PODNL1: variants seen among roughly 807,000 people sequenced by gnomAD.
The protein encoded by PODNL1 is podocan like 1.
A neutral mutation model predicts 45.1 loss-of-function variants in PODNL1; 50 were observed. That is an observed-to-expected ratio of 1.11 (90% confidence interval 0.88 to 1.40). PODNL1 has a LOEUF of 1.40. Among genes scored for constraint, PODNL1 ranks in the 40% most tolerant of loss-of-function variants. PODNL1 has a pLI of 0.00. For missense variants in PODNL1, 788 were observed against 793.3 expected (o/e 0.99, Z 0.08); for synonymous variants, 406 against 372.5 (o/e 1.09, Z -1.04).
At chr19:13,946,188 T>C (rs1449681898) in intron 1 of PODNL1, among the ~76,000 whole-genome samples, 1 of 152,068 alleles carries the variant, frequency 6.6e-6, no homozygotes, top group Non-Finnish European at 1.5e-5. Context: ...TCCTAGCACT[T>C]TGGGAGGCCG....
chr19:13,952,299 G>T (rs1973078327), intron 1 of PODNL1, among the ~76,000 whole-genome samples: 2 of 152,256 alleles, frequency 1.3e-5, no homozygotes, highest in South Asian at 4.1e-4. Context: ...CGAGTGGTAC[G>T]TCCTTAAGGC....
chr19:13,942,282 A>C (rs530957277), upstream of PODNL1, among the ~76,000 whole-genome samples: 1 of 152,218 alleles, frequency 6.6e-6, no homozygotes, highest in East Asian at 1.9e-4. Context: ...TTCTCTCTTG[A>C]ACTCTGAACT....
At chr19:13,937,673 G>C in intron 2 of PODNL1, 112 bp downstream of exon 2, 1 of 1,000,460 alleles carries the variant, frequency 1.0e-6, no homozygotes, top group Non-Finnish European at 1.5e-6. Flanking sequence ...CCGCCCTCCT[G>C]CAAGTGTGTT....
chr19:13,943,009 C>G (rs1972703135), upstream of PODNL1, among the ~76,000 whole-genome samples: 1 of 148,576 alleles, frequency 6.7e-6, no homozygotes, highest in African/African-American at 2.5e-5. Flanking sequence ...TAAAAAAAGA[C>G]AGAAAGGGCC....
upstream of PODNL1, among the ~76,000 whole-genome samples, chr19:13,938,993 C>G (rs1234503152): frequency 1.3e-5 from 2 of 152,136 alleles, no homozygotes; most frequent in African/African-American, 4.8e-5. Context: ...CCTGGCATAT[C>G]CCAGGGCTTT....
chr19:13,945,898 A>AC (rs1482882029), intron 1 of PODNL1, among the ~76,000 whole-genome samples: 1 of 112,094 alleles, frequency 8.9e-6, no homozygotes, highest in Non-Finnish European at 2.2e-5. Context: ...AAAAAAAAAA[A>AC]ACAAACTTTT....
intron 1 of PODNL1, among the ~76,000 whole-genome samples, chr19:13,948,508 G>A (rs905700087): frequency 3.3e-5 from 5 of 149,536 alleles, no homozygotes; most frequent in South Asian, 2.2e-4. Context: ...CACCATGCCC[G>A]GCCGTATTCT....
chr19:13,932,237 C>A (rs1971999044), intron 8 of PODNL1, 125 bp from the exon 9 acceptor site: 5 of 1,197,052 alleles, frequency 4.2e-6, no homozygotes, highest in African/African-American at 1.6e-5. Flanking sequence ...CTGCCCCCCA[C>A]CCCCCATGAT....
intron 1 of PODNL1, among the ~76,000 whole-genome samples, chr19:13,952,224 A>G (rs572006235): frequency 3.9e-5 from 6 of 152,362 alleles, no homozygotes; most frequent in African/African-American, 1.4e-4. Context: ...GACGCCGTTG[A>G]GACAGACAGA....
chr19:13,942,825 A>T (rs1317842786), upstream of PODNL1, among the ~76,000 whole-genome samples: 1 of 151,658 alleles, frequency 6.6e-6, no homozygotes, highest in East Asian at 1.9e-4. Flanking sequence ...GTCTACTAAA[A>T]AATACAAAAA....
At chr19:13,939,422 G>C (rs891820979), upstream of PODNL1, among the ~76,000 whole-genome samples, 1 of 152,006 alleles carries the variant, frequency 6.6e-6, no homozygotes, top group Non-Finnish European at 1.5e-5. Context: ...AAGTTGGCCA[G>C]GCTGGTCTCG....
chr19:13,934,174 G>A, intron 6 of PODNL1, 80 bp downstream of exon 6: 3 of 1,432,084 alleles, frequency 2.1e-6, no homozygotes, highest in Non-Finnish European at 2.8e-6. Flanking sequence ...TGAGAAGAAT[G>A]GAAAGCTAGG....
chr19:13,948,203 CTT>C (rs1213833304), intron 1 of PODNL1, among the ~76,000 whole-genome samples: 8 of 132,018 alleles, frequency 6.1e-5, no homozygotes, highest in Admixed American at 1.5e-4. Context: ...CTTTTCTTTT[CTT>C]TTTTTTTTTT....
intron 1 of PODNL1, among the ~76,000 whole-genome samples, chr19:13,943,591 A>C (rs555869678): frequency 5.3e-5 from 8 of 152,028 alleles, no homozygotes; most frequent in African/African-American, 1.4e-4. Flanking sequence ...CCTCCCAATT[A>C]GCTGGGACTA....
intron 8 of PODNL1, 90 bp downstream of exon 8, chr19:13,932,708 C>T (rs1400362635): frequency 5.0e-6 from 8 of 1,604,856 alleles, no homozygotes; most frequent in South Asian, 1.1e-5. Context: ...GATTGCTTTA[C>T]CAGCTAACTA....
intron 1 of PODNL1, among the ~76,000 whole-genome samples, chr19:13,947,406 G>A (rs1435848826): frequency 1.3e-5 from 2 of 149,890 alleles, no homozygotes; most frequent in Non-Finnish European, 1.5e-5. Flanking sequence ...ACTTGAACCC[G>A]GGAGACGGAG....
intron 5 of PODNL1, among the ~76,000 whole-genome samples, chr19:13,935,371 G>C (rs972292813): frequency 3.3e-5 from 5 of 152,106 alleles, no homozygotes; most frequent in Non-Finnish European, 5.9e-5. Context: ...CTGTCGCCCA[G>C]GCTTGAGTGC....
chr19:13,944,140 T>TA (rs1972742991), intron 1 of PODNL1, among the ~76,000 whole-genome samples: 1 of 152,054 alleles, frequency 6.6e-6, no homozygotes, highest in Non-Finnish European at 1.5e-5. Context: ...TGTTTTTGTT[T>TA]TGTTTTATTT....
At chr19:13,934,490 TCGC>T in intron 5 of PODNL1, 80 bp from the exon 6 acceptor site, 1 of 1,375,874 alleles carries the variant, frequency 7.3e-7, no homozygotes, top group Middle Eastern at 2.7e-4. Context: ...CTGCTCAGGG[TCGC>T]CTTCAGTGTG....
Sources: gnomAD v4.1 joint callset for allele counts (sites outside exome capture counted in the v4.1 genomes callset) on GRCh38, gnomAD v4.1.1 for gene constraint, MANE v1.5 for transcripts, NCBI Gene and HGNC (gene_info 2026-07-23, HGNC 2026-07-21) for gene names.